Variants in ADRA1B observed in about 807,000 individuals in gnomAD.
The protein encoded by ADRA1B is alpha-1B adrenergic receptor.
In ADRA1B, 17 loss-of-function variants were observed where a neutral mutation model predicts 17.9. The observed-to-expected ratio is 0.95, with a 90% CI of 0.65 to 1.42. ADRA1B has a LOEUF of 1.42. Ranked by LOEUF, ADRA1B falls within the 40% of genes most tolerant of loss-of-function variation. The pLI is 0.00. For synonymous variants in ADRA1B, 366 were observed against 327.6 expected (o/e 1.12, Z -1.27); for missense variants, 681 against 722.1 (o/e 0.94, Z 0.65).
chr5:159,974,698 G>T (rs1755944729), downstream of ADRA1B, among the ~76,000 whole-genome samples: 2 of 151,286 alleles, frequency 1.3e-5, no homozygotes, highest in South Asian at 4.2e-4. Flanking sequence ...TTAAGACTTT[G>T]ATGAAGGCTA....
chr5:159,902,067 A>G (rs1754105992), intron 1 of ADRA1B, among the ~76,000 whole-genome samples: 1 of 152,282 alleles, frequency 6.6e-6, no homozygotes, highest in Non-Finnish European at 1.5e-5. Flanking sequence ...CTGCAGCATT[A>G]TCCTCAATGT....
intron 1 of ADRA1B, chr5:159,947,770 C>A: frequency 1.0e-6 from 1 of 985,386 alleles, no homozygotes; most frequent in African/African-American, 1.7e-5. Flanking sequence ...CAATTTAAAT[C>A]TCTCCAGCCT....
At chr5:159,927,055 C>T (rs545065883) in intron 1 of ADRA1B, among the ~76,000 whole-genome samples, 27 of 152,146 alleles carry the variant, frequency 1.8e-4, no homozygotes, top group African/African-American at 6.3e-4. Context: ...GTCATGAAGC[C>T]GGTGAAGCGA....
chr5:159,899,287 G>GAAGGAAGGAAGGAAGGAAGGAAGA (rs1754073970), intron 1 of ADRA1B, among the ~76,000 whole-genome samples: 1 of 76,396 alleles, frequency 1.3e-5, no homozygotes, highest in African/African-American at 4.4e-5. Context: ...AGGAAGGAAG[G>GAAGGAAGGAAGGAAGGAAGGAAGA]AAGGAAGGAA....
At chr5:159,913,533 C>T (rs778734196), upstream of ADRA1B, among the ~76,000 whole-genome samples, 2 of 152,220 alleles carry the variant, frequency 1.3e-5, no homozygotes, top group Non-Finnish European at 2.9e-5. Flanking sequence ...GGATTTTGAA[C>T]TTGTCAATCT....
intron 1 of ADRA1B, among the ~76,000 whole-genome samples, chr5:159,950,124 T>C (rs1417280921): frequency 2.0e-5 from 3 of 152,324 alleles, no homozygotes; most frequent in African/African-American, 7.2e-5. Context: ...TTTGTAATGA[T>C]CCATCAGGGA....
intron 1 of ADRA1B, among the ~76,000 whole-genome samples, chr5:159,907,934 TTCTCTC>T (rs60469922): frequency 6.7e-6 from 1 of 149,408 alleles, no homozygotes. Flanking sequence ...TAGCTGTTTG[TTCTCTC>T]TCTCTCTCTC....
chr5:159,953,827 A>C (rs1314589332), intron 1 of ADRA1B, among the ~76,000 whole-genome samples: 1 of 152,092 alleles, frequency 6.6e-6, no homozygotes, highest in Non-Finnish European at 1.5e-5. Flanking sequence ...CCTCCTGCTG[A>C]GGGCGATAAT....
intron 1 of ADRA1B, among the ~76,000 whole-genome samples, chr5:159,883,618 A>T (rs1264017267): frequency 6.6e-6 from 1 of 152,224 alleles, no homozygotes; most frequent in East Asian, 1.9e-4. Flanking sequence ...CTGCAGCAGG[A>T]CACAAATTAG....
intron 1 of ADRA1B, among the ~76,000 whole-genome samples, chr5:159,936,588 T>C (rs1754960612): frequency 6.6e-6 from 1 of 152,140 alleles, no homozygotes; most frequent in Non-Finnish European, 1.5e-5. Context: ...GAGCCTATCT[T>C]CTCTTTGCTC....
chr5:159,899,287 G>GAAGA (rs879316032), intron 1 of ADRA1B, among the ~76,000 whole-genome samples: 4,119 of 76,476 alleles, frequency 0.054, 82 homozygotes, highest in Middle Eastern at 0.14. Context: ...AGGAAGGAAG[G>GAAGA]AAGGAAGGAA....
At chr5:159,961,711 C>A (rs567511908) in intron 1 of ADRA1B, among the ~76,000 whole-genome samples, 1 of 152,308 alleles carries the variant, frequency 6.6e-6, no homozygotes, top group South Asian at 2.1e-4. Context: ...CCCACTGACT[C>A]CCCTGAGGTC....
downstream of ADRA1B, among the ~76,000 whole-genome samples, chr5:159,977,916 C>G (rs1363995542): frequency 6.6e-6 from 1 of 152,020 alleles, no homozygotes; most frequent in Non-Finnish European, 1.5e-5. Flanking sequence ...TTCCATGTGG[C>G]TTCCTCCATC....
the ADRA1B span, among the ~76,000 whole-genome samples, chr5:159,982,264 C>T: frequency 6.6e-6 from 1 of 152,194 alleles, no homozygotes. Context: ...TAGAAAAGTC[C>T]ATTCTGTCTT....
intron 1 of ADRA1B, among the ~76,000 whole-genome samples, chr5:159,964,587 G>A (rs141850772): frequency 2.6e-5 from 4 of 152,330 alleles, no homozygotes; most frequent in African/African-American, 9.6e-5. Context: ...TTAGACCTGG[G>A]ATGGGGGAGT....
At chr5:159,880,153 T>C (rs111317703) in intron 1 of ADRA1B, among the ~76,000 whole-genome samples, 11 of 152,340 alleles carry the variant, frequency 7.2e-5, no homozygotes, top group African/African-American at 2.6e-4. Context: ...CACTACCCTA[T>C]GCTAAGTAAG....
At chr5:159,920,610 C>T (rs1484979402) in intron 1 of ADRA1B, among the ~76,000 whole-genome samples, 1 of 152,164 alleles carries the variant, frequency 6.6e-6, no homozygotes, top group Non-Finnish European at 1.5e-5. Context: ...GAAAACCTAA[C>T]AGATAATGTG....
At chr5:159,945,859 T>C (rs1335281878) in intron 1 of ADRA1B, among the ~76,000 whole-genome samples, 2 of 151,826 alleles carry the variant, frequency 1.3e-5, no homozygotes, top group Admixed American at 1.3e-4. Flanking sequence ...GCCATTCTCC[T>C]GCCTCAGCCT....
At chr5:159,984,811 A>C in the ADRA1B span, among the ~76,000 whole-genome samples, 1 of 151,614 alleles carries the variant, frequency 6.6e-6, no homozygotes, top group Admixed American at 6.6e-5. Context: ...TGGGAGGCTG[A>C]GGCAGGAGAA....
Sources: allele counts gnomAD v4.1 joint callset (sites outside exome capture counted in the v4.1 genomes callset), GRCh38; gene constraint gnomAD v4.1.1; transcripts MANE v1.5; gene names NCBI Gene and HGNC (gene_info 2026-07-23, HGNC 2026-07-21).